Variants in PARP8 observed in about 807,000 individuals in gnomAD.
PARP8 encodes the protein poly(ADP-ribose) polymerase family member 8.
In PARP8, 51 loss-of-function variants were observed where a neutral mutation model predicts 124.1. The observed-to-expected ratio is 0.41, with a 90% confidence interval of 0.33 to 0.52. The LOEUF is 0.52. Among genes scored for constraint, PARP8 ranks in the 20% least tolerant of loss-of-function variants. The probability of loss-of-function intolerance (pLI) is 0.21; values close to 1 mark genes in which losing one functional copy is unlikely to be tolerated. For synonymous variants in PARP8, 391 were observed against 361.5 expected (o/e 1.08, Z -0.93); for missense variants, 860 against 1,018.9 (o/e 0.84, Z 2.12).
At chr5:50,701,537 GA>G (rs1253541719) in intron 2 of PARP8, among the ~76,000 whole-genome samples, 2 of 151,992 alleles carry the variant, frequency 1.3e-5, no homozygotes, top group Non-Finnish European at 2.9e-5. Flanking sequence ...AATATATATG[GA>G]TTTCTAATTA....
chr5:50,834,011 G>C lies in PARP8; in HGVS notation c.2340G>C (p.Leu780=). The change falls in exon 24 of 26, where the codon CTG becomes CTC. Residue 780 remains leucine, a synonymous_variant. Transcript: ENST00000281631. ...SQKKGQQSQF[L]QSRNLKCIAL... is the part of the protein sequence containing the mutation. ...AAAAAGGACAGCAATCCCAATTCCT[G>C]CAAAGCCGTAACTTAAAATGCATAG... The C allele has an allele frequency of 6.2e-7, 1 of 1,612,258 alleles. No homozygotes were observed. Among genetic ancestry groups the C allele is most frequent in the Non-Finnish European group, 8.5e-7 (1 of 1,178,898 alleles).
chr5:50,709,154 C>T (rs1474499468), intron 2 of PARP8, among the ~76,000 whole-genome samples: 1 of 151,920 alleles, frequency 6.6e-6, no homozygotes, highest in Non-Finnish European at 1.5e-5. Context: ...TTTTTGGGGT[C>T]TACCATTGAA....
intron 3 of PARP8, among the ~76,000 whole-genome samples, chr5:50,758,029 G>A (rs34176744): frequency 1.3e-5 from 2 of 151,998 alleles, no homozygotes; most frequent in Non-Finnish European, 2.9e-5. Flanking sequence ...AGTAGCAACC[G>A]ACTTCAAATC....
intron 2 of PARP8, among the ~76,000 whole-genome samples, chr5:50,677,622 T>G (rs1312495465): frequency 6.6e-6 from 1 of 152,172 alleles, no homozygotes; most frequent in African/African-American, 2.4e-5. Flanking sequence ...TTATTTTTTT[T>G]GTAATCATAT....
chr5:50,682,274 C>T (rs184095750), intron 2 of PARP8, among the ~76,000 whole-genome samples: 1 of 152,196 alleles, frequency 6.6e-6, no homozygotes, highest in African/African-American at 2.4e-5. Flanking sequence ...ATCAATACAC[C>T]TTGGGAGGCA....
At position 50,846,382 on chromosome 5, in the gene PARP8, C is replaced by T. The variant is rs2149742552; in HGVS notation, c.*4314C>T. The T allele has an allele frequency of 6.6e-6, 1 of 151,730 alleles. No individual in the cohort carries two copies. Among genetic ancestry groups the T allele is most frequent in the Middle Eastern group, 3.4e-3 (1 of 294 alleles). 9.4% of individuals were successfully genotyped at this position (151,730 alleles called of 1,614,324 possible). On this transcript the variant is annotated 3_prime_UTR_variant, in exon 26 of 26. Transcript: ENST00000281631. ...AATACTGCCAAGAGATCAGTAAGGC[C>T]AAATATTTTCTCTATTCACTTTTTA...
At chr5:50,781,983 A>G (rs1740724873) in intron 9 of PARP8, among the ~76,000 whole-genome samples, 1 of 152,126 alleles carries the variant, frequency 6.6e-6, no homozygotes, top group Admixed American at 6.5e-5. Context: ...GTCTGCACTC[A>G]GGGTCTGCTT....
At chr5:50,826,675 T>G in intron 18 of PARP8, 80 bp from the exon 19 acceptor site, 1 of 1,488,100 alleles carries the variant, frequency 6.7e-7, no homozygotes, top group Non-Finnish European at 8.9e-7. Context: ...AAAATAAGTT[T>G]TAATCGGTTG....
At chr5:50,780,842 C>A (rs2149615338) in intron 9 of PARP8, among the ~76,000 whole-genome samples, 1 of 152,242 alleles carries the variant, frequency 6.6e-6, no homozygotes, top group East Asian at 1.9e-4. Context: ...TTAGAAACTT[C>A]TCATTTTGTG....
At chr5:50,799,424 G>T (rs1742939921) in intron 14 of PARP8, among the ~76,000 whole-genome samples, 1 of 152,130 alleles carries the variant, frequency 6.6e-6, no homozygotes, top group Non-Finnish European at 1.5e-5. Flanking sequence ...CCACTGATCT[G>T]CATGTCTGTC....
At chr5:50,692,948 A>G (rs1752651190) in intron 2 of PARP8, among the ~76,000 whole-genome samples, 1 of 151,910 alleles carries the variant, frequency 6.6e-6, no homozygotes, top group South Asian at 2.1e-4. Flanking sequence ...ATATTTTTTT[A>G]TCTGTGTTTC....
At chr5:50,721,058 T>C (rs1755823621) in intron 2 of PARP8, among the ~76,000 whole-genome samples, 1 of 151,844 alleles carries the variant, frequency 6.6e-6, no homozygotes, top group Non-Finnish European at 1.5e-5. Flanking sequence ...GAGAAGGTCA[T>C]CTAATGATCC....
chr5:50,812,445 A>AT (rs1469276855), intron 14 of PARP8, among the ~76,000 whole-genome samples: 5 of 151,704 alleles, frequency 3.3e-5, no homozygotes, highest in South Asian at 2.1e-4. Context: ...GGGTTGTTTG[A>AT]TTTTTTCTTG....
At chr5:50,676,534 A>G (rs1443259673) in intron 2 of PARP8, among the ~76,000 whole-genome samples, 1 of 152,200 alleles carries the variant, frequency 6.6e-6, no homozygotes, top group Non-Finnish European at 1.5e-5. Context: ...TCCGTCTCAT[A>G]GGGAAGTGTT....
chr5:50,754,170 CACACACACACATAT>C (rs1229464685), intron 3 of PARP8, among the ~76,000 whole-genome samples: 1 of 97,076 alleles, frequency 1.0e-5, no homozygotes, highest in Non-Finnish European at 2.0e-5. Context: ...CACACACACA[CACACACACACATAT>C]ATATATATTT....
intron 2 of PARP8, among the ~76,000 whole-genome samples, chr5:50,729,269 T>G (rs1218718877): frequency 6.6e-6 from 1 of 152,038 alleles, no homozygotes; most frequent in Non-Finnish European, 1.5e-5. Context: ...ATATGCCTCC[T>G]TTCACAGAAT....
At position 50,833,860 on chromosome 5, in the gene PARP8, A is replaced by T. The variant is rs1396291580; in HGVS notation, c.2308-119A>T. On this transcript the variant is annotated intron_variant, in intron 23 of 25. Coordinates refer to ENST00000281631, the MANE Select transcript of PARP8 (RefSeq NM_024615.4). The stretch of plus-strand genomic sequence containing the variant: ...TGCAAGGAAATTGATGCTAGTCTAG[A>T]TAGGCTTTTTTTTTTTGACCTGGAG... 1.3e-5 allele frequency: 9 copies of T among 699,670 alleles called. No individual in the cohort carries two copies. In the East Asian group the frequency reaches 2.2e-4, roughly 17 times the overall value. 43.3% of individuals were successfully genotyped at this position (699,670 alleles called of 1,614,324 possible).
rs557694084 is a variant in PARP8 at position 50,684,556 on chromosome 5, A to G, written c.146+16431A>G. On this transcript the variant is annotated intron_variant, in intron 2 of 25. Transcript: ENST00000281631. The stretch of plus-strand genomic sequence containing the variant: ...TATTCTCTTCAACATACATAATGTC[A>G]TAAAAAGGATAAAATGCCTAAGTCT... Among the ~76,000 whole-genome samples the G allele has an allele frequency of 4.6e-5, 7 of 152,216 alleles. No homozygotes were observed. In the South Asian group the frequency reaches 1.5e-3, roughly 32 times the overall value.
At chr5:50,673,441 G>C (rs575036630) in intron 2 of PARP8, among the ~76,000 whole-genome samples, 1 of 152,226 alleles carries the variant, frequency 6.6e-6, no homozygotes, top group East Asian at 1.9e-4. Context: ...CGTCTCTGCT[G>C]TTCTCTTTGC....
Sources: gnomAD v4.1 joint callset for allele counts (sites outside exome capture counted in the v4.1 genomes callset) on GRCh38, gnomAD v4.1.1 for gene constraint, MANE v1.5 for transcripts, NCBI Gene and HGNC (gene_info 2026-07-23, HGNC 2026-07-21) for gene names.